The following TRIM32 variants were observed in gnomAD, a reference collection of about 807,000 sequenced individuals.
TRIM32 encodes the protein E3 ubiquitin-protein ligase TRIM32.
A neutral mutation model predicts 36.0 loss-of-function variants in TRIM32; 19 were observed. The observed-to-expected ratio is 0.53, with a 90% CI of 0.37 to 0.77. The LOEUF is 0.77. TRIM32 is among the 30% of genes least tolerant of loss of function. The probability of loss-of-function intolerance (pLI) is 0.00; values close to 1 mark genes in which losing one functional copy is unlikely to be tolerated. For synonymous variants in TRIM32, 309 were observed against 318.5 expected (o/e 0.97, Z 0.32); for missense variants, 747 against 845.2 (o/e 0.88, Z 1.44).
rs576963223 is a variant in TRIM32 at position 116,688,768 on chromosome 9, T to C, written c.-82+1387T>C. Among the ~76,000 whole-genome samples the C allele has an allele frequency of 3.9e-5, 6 of 152,050 alleles. No homozygotes were observed. The South Asian group carries it at 1.2e-3, about 32-fold the overall frequency. On this transcript the variant is annotated intron_variant, in intron 1 of 1. Coordinates refer to ENST00000450136, the MANE Select transcript of TRIM32 (RefSeq NM_012210.4). The stretch of plus-strand genomic sequence containing the variant: ...ATAGAAAGTGAGACCTCCAGGGGAA[T>C]GAGTGGAATAATTTATCCTATATAA...
chr9:116,687,982 G>A lies in TRIM32; in HGVS notation c.-82+601G>A, dbSNP rs188529467. Among the ~76,000 whole-genome samples the A allele has an allele frequency of 2.6e-4, 40 of 152,144 alleles. 1 individual carries two copies. Among genetic ancestry groups the A allele is most frequent in the Admixed American group, 2.6e-3 (40 of 15,292 alleles). On this transcript the variant is annotated intron_variant, in intron 1 of 1. Coordinates refer to ENST00000450136, the MANE Select transcript of TRIM32 (RefSeq NM_012210.4). ...GAAAGAAGGGAGCTGGCTGAGGTGTGAAGGCAGCACATGACATTCAGTGCA... is the reference window on the plus strand; with the variant it reads ...GAAAGAAGGGAGCTGGCTGAGGTGTAAAGGCAGCACATGACATTCAGTGCA...
At chr9:116,696,067 T>C (rs575809349) in intron 1 of TRIM32, among the ~76,000 whole-genome samples, 2 of 152,232 alleles carry the variant, frequency 1.3e-5, no homozygotes, top group East Asian at 3.9e-4. Flanking sequence ...ATTATCCCCG[T>C]CTTCTCTGAT....
chr9:116,687,867 T>A lies in TRIM32; in HGVS notation c.-82+486T>A, dbSNP rs762271347. Reference sequence around the variant, plus strand: ...ATAGGAGCAAGGTCTAGGGCGATCCTAAGTGCTATTGAGAAAGGGTTTTCG... The same window carrying A: ...ATAGGAGCAAGGTCTAGGGCGATCCAAAGTGCTATTGAGAAAGGGTTTTCG... On this transcript the variant is annotated intron_variant, in intron 1 of 1. Coordinates refer to ENST00000450136, the MANE Select transcript of TRIM32 (RefSeq NM_012210.4). 2.0e-4 allele frequency among the ~76,000 whole-genome samples: 30 copies of A among 151,772 alleles called. 1 individual carries two copies. The highest frequency in any genetic ancestry group is 3.4e-3 in the Middle Eastern group (1 of 292).
Position 116,699,200 on chromosome 9 carries a change from C to G in TRIM32, c.1458C>G (p.Thr486=). ...TGCCATCTGGCCAGTTTGTAGTAACCGATGTGGAAGGTGGAAAGCTTTGGT... is the reference window on the plus strand; with the variant it reads ...TGCCATCTGGCCAGTTTGTAGTAACGGATGTGGAAGGTGGAAAGCTTTGGT... ...TALPSGQFVV[T]DVEGGKLWCF... is the part of the protein sequence containing the mutation. Residue 486 remains threonine (T), a synonymous_variant, in exon 2 of 2, where the codon ACC becomes ACG. Transcript: ENST00000450136. This position sits in a 1 kb window ranked among gnomAD's most constrained non-coding sequence, Gnocchi z 4.2. 6.2e-7 allele frequency: 1 copy of G among 1,614,184 alleles called. No homozygotes were observed. Among genetic ancestry groups the G allele is most frequent in the Non-Finnish European group, 8.5e-7 (1 of 1,180,040 alleles).
intron 1 of TRIM32, among the ~76,000 whole-genome samples, chr9:116,693,615 A>C (rs958783159): frequency 6.6e-6 from 1 of 152,148 alleles, no homozygotes; most frequent in Non-Finnish European, 1.5e-5. Flanking sequence ...ATGAGGTGGG[A>C]GGTCAAGAAT....
intron 1 of TRIM32, among the ~76,000 whole-genome samples, chr9:116,690,477 C>T (rs1860511044): frequency 6.6e-6 from 1 of 152,284 alleles, no homozygotes; most frequent in South Asian, 2.1e-4. Context: ...TAGTTGGAAG[C>T]CAGAAGTTTA....
chr9:116,687,639 C>T (rs1015144294), intron 1 of TRIM32, among the ~76,000 whole-genome samples: 3 of 150,750 alleles, frequency 2.0e-5, no homozygotes, highest in African/African-American at 7.3e-5. Context: ...AAGAGATTTG[C>T]GGTTGCAGCA....
At chr9:116,697,518 G>A (rs1481436166) in intron 1 of TRIM32, 144 bp from the exon 2 acceptor site, 8 of 564,478 alleles carry the variant, frequency 1.4e-5, no homozygotes, top group African/African-American at 3.8e-5. Context: ...TCACCCTCAC[G>A]TGACATATAA....
chr9:116,689,750 G>A (rs1860470066), intron 1 of TRIM32, among the ~76,000 whole-genome samples: 1 of 152,150 alleles, frequency 6.6e-6, no homozygotes, highest in Admixed American at 6.5e-5. Flanking sequence ...GTAGGGAGGA[G>A]CCCTGGACTT....
chr9:116,693,892 G>A (rs951956073), intron 1 of TRIM32, among the ~76,000 whole-genome samples: 3 of 152,106 alleles, frequency 2.0e-5, no homozygotes, highest in African/African-American at 7.2e-5. Context: ...TGGAGGAGAC[G>A]GGCTCTATCT....
chr9:116,695,917 T>C (rs1860824869), intron 1 of TRIM32, among the ~76,000 whole-genome samples: 1 of 152,180 alleles, frequency 6.6e-6, no homozygotes, highest in Non-Finnish European at 1.5e-5. Flanking sequence ...TCATCTAGGC[T>C]TGAGTCTTTG....
chr9:116,688,558 ATCT>A (rs370191610), intron 1 of TRIM32, among the ~76,000 whole-genome samples: 7 of 152,160 alleles, frequency 4.6e-5, no homozygotes, highest in African/African-American at 1.4e-4. Flanking sequence ...GAAGGGCAGA[ATCT>A]TCTTCATTTA....
chr9:116,692,309 T>C (rs987616724), intron 1 of TRIM32, among the ~76,000 whole-genome samples: 11 of 152,198 alleles, frequency 7.2e-5, no homozygotes, highest in African/African-American at 1.2e-4. Flanking sequence ...GGTTTATGTA[T>C]CTGGGGCCTT....
chr9:116,696,652 G>A (rs803930), intron 1 of TRIM32, among the ~76,000 whole-genome samples: 117,700 of 152,072 alleles, frequency 0.77, 46,259 homozygotes, highest in African/African-American at 0.91. Flanking sequence ...TTTTTATTTC[G>A]TTTATAGTAC....
At chr9:116,692,121 C>T (rs970651132) in intron 1 of TRIM32, among the ~76,000 whole-genome samples, 1 of 152,192 alleles carries the variant, frequency 6.6e-6, no homozygotes. Context: ...CAGTTTTGCT[C>T]ATGGCCTAAG....
rs1190512893 is a variant in TRIM32, at chr9:116,699,442, ACTT to A, written c.1706_1708del (p.Phe569del). 6.8e-6 allele frequency: 11 copies of A among 1,613,608 alleles called. No individual in the cohort carries two copies. The highest frequency in any genetic ancestry group is 1.6e-4 in the Middle Eastern group (1 of 6,062). On this transcript the variant is annotated inframe_deletion, in exon 2 of 2. Coordinates refer to ENST00000450136, the MANE Select transcript of TRIM32 (RefSeq NM_012210.4). This position sits in a 1 kb window ranked among gnomAD's most constrained non-coding sequence, Gnocchi z 4.2. ...GGGCAGCTGGGTCGCCAGATTAGCC[ACTT>A]CTTCTCGGAGAATGAGGATTTCCGC...
chr9:116,697,845 A>C lies in TRIM32; in HGVS notation c.103A>C (p.Lys35Gln). 1 of 1,614,164 alleles carries C rather than the reference A, an allele frequency of 6.2e-7. No individual in the cohort carries two copies. Among genetic ancestry groups the C allele is most frequent in the Non-Finnish European group, 8.5e-7 (1 of 1,180,026 alleles). Residue 35 changes from lysine (K) to glutamine (Q), a missense_variant, in exon 2 of 2, where the codon AAG (lysine) becomes CAG (glutamine). Transcript: ENST00000450136. Reference protein sequence around the residue: ...ESFTEEQLRPKLLHCGHTICR... With the variant: ...ESFTEEQLRPQLLHCGHTICR... ...CTTCACAGAAGAGCAGCTGCGTCCC[A>C]AGCTTCTGCACTGTGGCCATACCAT...
chr9:116,688,723 C>A (rs888907294), intron 1 of TRIM32, among the ~76,000 whole-genome samples: 2 of 152,040 alleles, frequency 1.3e-5, no homozygotes, highest in Admixed American at 1.3e-4. Context: ...TTTCCCTGTA[C>A]CCCCAAGCTA....
Position 116,698,828 on chromosome 9 carries a change from G to T in TRIM32, c.1086G>T (p.Gly362=). ...AGTGCCTCTTTCTCAAGAAGATGGG[G>T]GCCAAAGGCAGCACTCCAGGAATGT... ...IQQCLFLKKM[G]AKGSTPGMFN... Residue 362 remains glycine (G), a synonymous_variant, in exon 2 of 2, where the codon GGG becomes GGT. Coordinates refer to ENST00000450136, the MANE Select transcript of TRIM32 (RefSeq NM_012210.4). This position sits in a 1 kb window ranked among gnomAD's most constrained non-coding sequence, Gnocchi z 4.4. 6.2e-7 allele frequency: 1 copy of T among 1,614,150 alleles called. No homozygotes were observed. Among genetic ancestry groups the T allele is most frequent in the Non-Finnish European group, 8.5e-7 (1 of 1,180,040 alleles).
Sources: gnomAD v4.1 joint callset for allele counts (sites outside exome capture counted in the v4.1 genomes callset) on GRCh38, gnomAD v4.1.1 for gene constraint, Gnocchi (gnomAD v3.1) non-coding constraint, MANE v1.5 for transcripts, NCBI Gene and HGNC (gene_info 2026-07-23, HGNC 2026-07-21) for gene names.